SVEP1: variants seen among roughly 807,000 people sequenced by gnomAD.
SVEP1 encodes sushi, von Willebrand factor type A, EGF and pentraxin domain containing 1, also known as sushi, von Willebrand factor type A, EGF and pentraxin domain-containing protein 1.
Under a neutral mutation model 367.3 loss-of-function variants are expected in SVEP1, and 164 were observed. The ratio of observed to expected loss-of-function variants is 0.45; its 90% CI spans 0.39 to 0.51. The LOEUF (loss-of-function observed/expected upper bound fraction) is 0.51, where lower values mean the gene tolerates loss of function less well. Among genes scored for constraint, SVEP1 ranks in the 20% least tolerant of loss-of-function variants. SVEP1 has a pLI of 0.00. For missense variants in SVEP1, 4,117 were observed against 4,425.3 expected, an observed-to-expected ratio of 0.93 and a Z score of 1.98; for synonymous variants, 1,666 against 1,611.6, an observed-to-expected ratio of 1.03 and a Z score of -0.81.
At chr9:110,474,959 T>C (rs1380992132) in intron 14 of SVEP1, among the ~76,000 whole-genome samples, 1 of 150,868 alleles carries the variant, frequency 6.6e-6, no homozygotes, top group Admixed American at 6.6e-5. Flanking sequence ...GTTTTATATA[T>C]ATAATAATAT....
chr9:110,504,492 T>A (rs563557566), intron 5 of SVEP1, among the ~76,000 whole-genome samples: 6 of 152,314 alleles, frequency 3.9e-5, no homozygotes, highest in African/African-American at 1.4e-4. Flanking sequence ...AAGTATATGA[T>A]ACTGTGGGAA....
intron 3 of SVEP1, among the ~76,000 whole-genome samples, chr9:110,538,007 G>A (rs1454491292): frequency 6.6e-6 from 1 of 151,840 alleles, no homozygotes; most frequent in Non-Finnish European, 1.5e-5. Context: ...ATAACAATAA[G>A]CAGATATTGA....
intron 10 of SVEP1, among the ~76,000 whole-genome samples, chr9:110,483,363 A>C (rs1206908123): frequency 1.3e-5 from 2 of 152,208 alleles, no homozygotes; most frequent in African/African-American, 4.8e-5. Flanking sequence ...CAGGTTCAAC[A>C]AATGCCCATG....
At chr9:110,559,395 A>G (rs978623899) in intron 1 of SVEP1, among the ~76,000 whole-genome samples, 6 of 152,106 alleles carry the variant, frequency 3.9e-5, no homozygotes, top group African/African-American at 1.4e-4. Context: ...AATAACAGAA[A>G]TACAGTTGAG....
At chr9:110,488,567 T>A (rs1829320811) in intron 9 of SVEP1, among the ~76,000 whole-genome samples, 3 of 152,012 alleles carry the variant, frequency 2.0e-5, no homozygotes, top group Non-Finnish European at 4.4e-5. Flanking sequence ...GTGTGGTTAA[T>A]AATGTAAAAC....
intron 18 of SVEP1, among the ~76,000 whole-genome samples, chr9:110,460,587 T>C (rs962223295): frequency 2.0e-5 from 3 of 152,156 alleles, no homozygotes; most frequent in African/African-American, 7.2e-5. Flanking sequence ...ACACCGTCTC[T>C]ACTAAAAGTA....
At chr9:110,377,208 C>T (rs1371904469) in intron 45 of SVEP1, 63 bp downstream of exon 45, 13 of 1,488,546 alleles carry the variant, frequency 8.7e-6, no homozygotes, top group Non-Finnish European at 1.2e-5. Context: ...TGGTAACTCC[C>T]CTCAGGTGGG....
Position 110,377,384 on chromosome 9 carries a change from T to C in SVEP1, c.10409-18A>G. 1 of 1,611,026 alleles carries C rather than the reference T, an allele frequency of 6.2e-7. No homozygotes were observed. Among genetic ancestry groups the C allele is most frequent in the East Asian group, 2.2e-5 (1 of 44,850 alleles). On this transcript the variant is annotated intron_variant, in intron 44 of 47. Coordinates refer to ENST00000374469, the MANE Select transcript of SVEP1 (RefSeq NM_153366.4). Reference sequence around the variant, plus strand: ...ACAGACAGCTGGAAAAGAAGCAGGATGGGTCACAAATGTAGGGAATTATGA... The same window carrying C: ...ACAGACAGCTGGAAAAGAAGCAGGACGGGTCACAAATGTAGGGAATTATGA...
In SVEP1 at chr9:110,479,629, A is replaced by G; in HGVS notation, c.2487+6T>C. The G allele has an allele frequency of 1.2e-6, 2 of 1,602,420 alleles. No individual in the cohort carries two copies. The highest frequency in any genetic ancestry group is 8.5e-7 in the Non-Finnish European group (1 of 1,176,324). ...AACACACAATAAATGACCACTATTG[A>G]TGTACCATTTTTCCCAGGGTCGTCT... On this transcript the variant is annotated splice_donor_region_variant and intron_variant, in intron 13 of 47. Coordinates refer to ENST00000374469, the MANE Select transcript of SVEP1 (RefSeq NM_153366.4).
chr9:110,449,544 G>A (rs1038271374), intron 24 of SVEP1, among the ~76,000 whole-genome samples: 5 of 152,132 alleles, frequency 3.3e-5, no homozygotes, highest in Admixed American at 1.3e-4. Flanking sequence ...TTAGCCAGGC[G>A]TGGTGGCAGG....
chr9:110,441,452 C>A (rs1258483948), intron 27 of SVEP1, among the ~76,000 whole-genome samples: 1 of 152,172 alleles, frequency 6.6e-6, no homozygotes, highest in East Asian at 1.9e-4. Flanking sequence ...CTCCTCATAA[C>A]AAAATTCATG....
Position 110,573,894 on chromosome 9 carries a change from T to C in SVEP1, c.531+5119A>G, listed in dbSNP as rs1057395731. ...CTAAACTTTCCCCCAGGCTATTGAC[T>C]GTGTACTAATTACAGAATTCACTGC... On this transcript the variant is annotated intron_variant, in intron 1 of 47. Transcript: ENST00000374469. Among the ~76,000 whole-genome samples, 4 of 150,216 alleles carry C rather than the reference T, an allele frequency of 2.7e-5. No homozygotes were observed. The East Asian group carries it at 7.7e-4, about 29-fold the overall frequency.
chr9:110,379,680 G>C (rs948893949), intron 43 of SVEP1, among the ~76,000 whole-genome samples, 163 bp from the exon 44 acceptor site: 1 of 152,176 alleles, frequency 6.6e-6, no homozygotes, highest in Non-Finnish European at 1.5e-5. Flanking sequence ...AACTGCTGCT[G>C]TTGAGAAAAA....
At chr9:110,543,366 G>T (rs1448473052) in intron 3 of SVEP1, among the ~76,000 whole-genome samples, 2 of 152,172 alleles carry the variant, frequency 1.3e-5, no homozygotes, top group Admixed American at 1.3e-4. Flanking sequence ...TAAGGGCAGG[G>T]ATGGATAAAC....
Position 110,547,767 on chromosome 9 carries a change from G to A in SVEP1, c.788-1476C>T, listed in dbSNP as rs560433912. 2.6e-5 allele frequency among the ~76,000 whole-genome samples: 4 copies of A among 152,266 alleles called. No individual in the cohort carries two copies. The East Asian group carries it at 7.7e-4, about 29-fold the overall frequency. ...CAAAGTGGATCCATCTAAATTGAAA[G>A]TAGCTGCAGAGAACACAGAGGCAGG... On this transcript the variant is annotated intron_variant, in intron 2 of 47. Transcript: ENST00000374469.
intron 40 of SVEP1, among the ~76,000 whole-genome samples, chr9:110,400,440 C>A (rs1337537799): frequency 6.6e-6 from 1 of 151,672 alleles, no homozygotes; most frequent in Non-Finnish European, 1.5e-5. Flanking sequence ...GATTTCAGCT[C>A]ACTGAAACCT....
chr9:110,515,324 G>A lies in SVEP1; in HGVS notation c.965-1218C>T, dbSNP rs564306616. 1.1e-4 allele frequency among the ~76,000 whole-genome samples: 16 copies of A among 139,368 alleles called. No homozygotes were observed. The East Asian group carries it at 1.2e-3, about 11-fold the overall frequency. The allele number at this position is 139,368 out of a possible 152,430, so 91.4% of individuals were successfully genotyped here. A position where few individuals can be genotyped will look rare whatever the true frequency, so the allele number is the denominator to read the frequency against. On this transcript the variant is annotated intron_variant, in intron 3 of 47. Coordinates refer to ENST00000374469, the MANE Select transcript of SVEP1 (RefSeq NM_153366.4). ...TTTTTTTTTTTTTTTTTTTTGAGAC[G>A]GAGTCTCGCTCTGTCCCCCAGGCTG...
intron 21 of SVEP1, 145 bp from the exon 22 acceptor site, chr9:110,455,848 C>T (rs1039587151): frequency 3.9e-6 from 2 of 509,352 alleles, no homozygotes; most frequent in Non-Finnish European, 6.7e-6. Context: ...GTGCTACCAT[C>T]TATTAAGTAT....
chr9:110,563,758 ACATTT>A (rs1830457083), intron 1 of SVEP1, among the ~76,000 whole-genome samples: 1 of 152,158 alleles, frequency 6.6e-6, no homozygotes, highest in African/African-American at 2.4e-5. Context: ...CTCCAACATT[ACATTT>A]ATTTCCTCTG....
Sources: allele counts gnomAD v4.1 joint callset (sites outside exome capture counted in the v4.1 genomes callset), GRCh38; gene constraint gnomAD v4.1.1; transcripts MANE v1.5; gene names NCBI Gene and HGNC (gene_info 2026-07-23, HGNC 2026-07-21).